Variants in PRORP observed in about 807,000 individuals in gnomAD.
PRORP encodes mitochondrial ribonuclease P catalytic subunit.
A neutral mutation model predicts 59.4 loss-of-function variants in PRORP; 51 were observed. The observed-to-expected ratio is 0.86, with a 90% CI of 0.69 to 1.08. The LOEUF (loss-of-function observed/expected upper bound fraction) is 1.08, where lower values mean the gene tolerates loss of function less well. PRORP is among the 50% of genes least tolerant of loss of function. The pLI, the probability that PRORP is intolerant of heterozygous loss-of-function variation, is 0.00. For synonymous variants in PRORP, 231 were observed against 245.6 expected (o/e 0.94, Z 0.55); for missense variants, 646 against 690.3 (o/e 0.94, Z 0.72).
At chr14:35,269,740 C>T (rs926489277) in intron 6 of PRORP, among the ~76,000 whole-genome samples, 1 of 152,058 alleles carries the variant, frequency 6.6e-6, no homozygotes, top group East Asian at 1.9e-4. Flanking sequence ...TATTTAGGGT[C>T]ATTTGAATCA....
chr14:35,196,032 G>A (rs2048999961), intron 5 of PRORP, among the ~76,000 whole-genome samples: 1 of 152,114 alleles, frequency 6.6e-6, no homozygotes, highest in Non-Finnish European at 1.5e-5. Context: ...CTTCTCCCTA[G>A]GGAATCTGAA....
At position 35,123,527 on chromosome 14, in the gene PRORP, A is replaced by G; in HGVS notation, c.282A>G (p.Ser94=). The part of the protein sequence containing the change: ...FFLAGAAKER[S]QMNSQTEDHA... ...TAGCTGGAGCAGCTAAGGAGAGATC[A>G]CAGATGAATTCTCAAACTGAAGATC... Residue 94 remains serine (S), a synonymous_variant, in exon 2 of 8, where the codon TCA becomes TCG. Coordinates refer to ENST00000534898, the MANE Select transcript of PRORP (RefSeq NM_014672.4). The G allele has an allele frequency of 6.2e-7, 1 of 1,614,194 alleles. No individual in the cohort carries two copies. The highest frequency in any genetic ancestry group is 1.1e-5 in the South Asian group (1 of 91,086).
intron 5 of PRORP, among the ~76,000 whole-genome samples, chr14:35,253,462 C>T (rs561115272): frequency 6.6e-6 from 1 of 152,172 alleles, no homozygotes; most frequent in South Asian, 2.1e-4. Flanking sequence ...TTTCTCCCTT[C>T]GCAGTGAAGC....
chr14:35,201,096 T>C (rs1486277193), intron 5 of PRORP, among the ~76,000 whole-genome samples: 1 of 152,232 alleles, frequency 6.6e-6, no homozygotes, highest in East Asian at 1.9e-4. Context: ...ATAATTAGAC[T>C]GCAGTTGTGG....
intron 4 of PRORP, among the ~76,000 whole-genome samples, chr14:35,152,086 G>A (rs536612856): frequency 6.6e-6 from 1 of 152,216 alleles, no homozygotes; most frequent in South Asian, 2.1e-4. Context: ...GCGGCCCTCC[G>A]CAGTGTCTGT....
At chr14:35,184,423 G>T (rs139320960) in intron 5 of PRORP, among the ~76,000 whole-genome samples, 1 of 152,116 alleles carries the variant, frequency 6.6e-6, no homozygotes, top group South Asian at 2.1e-4. Context: ...TTGCCTGGGT[G>T]TGTACAGAAT....
chr14:35,185,935 A>G (rs891574952), intron 5 of PRORP, among the ~76,000 whole-genome samples: 1 of 152,194 alleles, frequency 6.6e-6, no homozygotes, highest in Admixed American at 6.5e-5. Flanking sequence ...TTACTGAAAT[A>G]GTATACTTTT....
intron 5 of PRORP, among the ~76,000 whole-genome samples, chr14:35,218,584 C>T (rs573546449): frequency 2.9e-5 from 4 of 138,282 alleles, no homozygotes; most frequent in Non-Finnish European, 6.1e-5. Context: ...TAGAATGCAG[C>T]GGCGCGATCT....
At chr14:35,236,362 T>C (rs2050214590) in intron 5 of PRORP, among the ~76,000 whole-genome samples, 1 of 152,194 alleles carries the variant, frequency 6.6e-6, no homozygotes, top group East Asian at 1.9e-4. Flanking sequence ...AACTCATAAA[T>C]AGCTAGCTTG....
chr14:35,124,640 T>G (rs1167836347), intron 2 of PRORP, among the ~76,000 whole-genome samples: 1 of 150,628 alleles, frequency 6.6e-6, no homozygotes, highest in Non-Finnish European at 1.5e-5. Context: ...TGAAATTATA[T>G]AGCAGTTTTA....
intron 5 of PRORP, among the ~76,000 whole-genome samples, chr14:35,187,452 G>T (rs868558453): frequency 6.9e-6 from 1 of 144,990 alleles, no homozygotes; most frequent in Non-Finnish European, 1.5e-5. Flanking sequence ...TTTAGATGGA[G>T]TCTCACTGTC....
Position 35,123,608 on chromosome 14 carries a change from A to G in PRORP, c.363A>G (p.Ser121=). ...TIQLPTQPLN[S]EEWDKLKEDL... is the part of the protein sequence containing the mutation. ...AACTCCCAACACAACCTTTGAATTCAGAGGAGTGGGATAAACTTAAGGAAG... is the reference window on the plus strand; with the variant it reads ...AACTCCCAACACAACCTTTGAATTCGGAGGAGTGGGATAAACTTAAGGAAG... The change falls in exon 2 of 8, where the codon TCA becomes TCG. Residue 121 remains serine (S), a synonymous_variant. Coordinates refer to ENST00000534898, the MANE Select transcript of PRORP (RefSeq NM_014672.4). The G allele has an allele frequency of 1.2e-6, 2 of 1,614,210 alleles. No homozygotes were observed. The highest frequency in any genetic ancestry group is 1.7e-6 in the Non-Finnish European group (2 of 1,180,030).
chr14:35,275,934 C>T lies in PRORP; in HGVS notation c.*2368C>T, dbSNP rs2051288133. On this transcript the variant is annotated 3_prime_UTR_variant, in exon 8 of 8. Transcript: ENST00000534898. Reference sequence around the variant, plus strand: ...AAGATGACCTGGCTTCCCTGAATCCCACGGCTAGTTAGTGCAGACATTTCA... The same window carrying T: ...AAGATGACCTGGCTTCCCTGAATCCTACGGCTAGTTAGTGCAGACATTTCA... The T allele has an allele frequency of 6.6e-6, 1 of 152,228 alleles. No homozygotes were observed. The highest frequency in any genetic ancestry group is 2.4e-5 in the African/African-American group (1 of 41,428). 9.4% of individuals were successfully genotyped at this position (152,228 alleles called of 1,614,324 possible). A position where few individuals can be genotyped will look rare whatever the true frequency, so the allele number is the denominator to read the frequency against.
chr14:35,268,353 A>C (rs2051098927), intron 6 of PRORP, among the ~76,000 whole-genome samples: 1 of 151,478 alleles, frequency 6.6e-6, no homozygotes, highest in African/African-American at 2.4e-5. Context: ...AAAAAAAAAA[A>C]AAAAAAAAAA....
chr14:35,206,914 T>C (rs964242967), intron 5 of PRORP, among the ~76,000 whole-genome samples: 3 of 152,236 alleles, frequency 2.0e-5, no homozygotes, highest in Non-Finnish European at 2.9e-5. Flanking sequence ...AGTTTTCTTC[T>C]CTGTAGGGAT....
At chr14:35,238,120 A>T (rs1291919461) in intron 5 of PRORP, among the ~76,000 whole-genome samples, 1 of 152,070 alleles carries the variant, frequency 6.6e-6, no homozygotes, top group African/African-American at 2.4e-5. Flanking sequence ...CACTGTGCTT[A>T]AACAATCCTA....
intron 5 of PRORP, among the ~76,000 whole-genome samples, chr14:35,187,919 C>T (rs1034304470): frequency 1.3e-5 from 2 of 150,440 alleles, no homozygotes; most frequent in African/African-American, 2.5e-5. Context: ...GGTGCGATCT[C>T]GGTTCACTAC....
rs1270296279 is a variant in PRORP at position 35,143,850 on chromosome 14, G to A, written c.1167+16239G>A. ...TTTAGTAGAGATGGGGTTTCTCCAT[G>A]TTGGTCAGGCTGGTCTCAAACTCCC... On this transcript the variant is annotated intron_variant, in intron 4 of 7. Coordinates refer to ENST00000534898, the MANE Select transcript of PRORP (RefSeq NM_014672.4). 2.1e-5 allele frequency among the ~76,000 whole-genome samples: 3 copies of A among 145,216 alleles called. 1 individual carries two copies. The highest frequency in any genetic ancestry group is 4.6e-5 in the Non-Finnish European group (3 of 65,392).
At chr14:35,230,050 C>CTTTT (rs35309046) in intron 5 of PRORP, among the ~76,000 whole-genome samples, 13 of 109,116 alleles carry the variant, frequency 1.2e-4, no homozygotes, top group Admixed American at 3.0e-4. Flanking sequence ...ACTGTAAATT[C>CTTTT]TTTTTTTTTT....
Sources: gnomAD v4.1 joint callset for allele counts (sites outside exome capture counted in the v4.1 genomes callset) on GRCh38, gnomAD v4.1.1 for gene constraint, MANE v1.5 for transcripts, NCBI Gene and HGNC (gene_info 2026-07-23, HGNC 2026-07-21) for gene names.